The following GRIP1 variants were observed in gnomAD, a reference collection of about 807,000 sequenced individuals.
GRIP1 encodes glutamate receptor-interacting protein 1.
A neutral mutation model predicts 129.9 loss-of-function variants in GRIP1; 45 were observed. The ratio of observed to expected loss-of-function variants is 0.35; its 90% CI spans 0.27 to 0.44. The LOEUF is 0.44. Among genes scored for constraint, GRIP1 ranks in the 20% least tolerant of loss-of-function variants. The pLI is 1.00. For synonymous variants in GRIP1, 530 were observed against 520.8 expected (o/e 1.02, Z -0.24); for missense variants, 1,196 against 1,396.8 (o/e 0.86, Z 2.29).
At chr12:66,871,216 G>A (rs1395542585) in intron 1 of GRIP1, among the ~76,000 whole-genome samples, 1 of 152,050 alleles carries the variant, frequency 6.6e-6, no homozygotes, top group Non-Finnish European at 1.5e-5. Flanking sequence ...ATTAGGCAAT[G>A]CTGCGATTTT....
At chr12:66,901,492 A>T (rs931214739) in intron 1 of GRIP1, among the ~76,000 whole-genome samples, 1 of 152,230 alleles carries the variant, frequency 6.6e-6, no homozygotes, top group Non-Finnish European at 1.5e-5. Context: ...CACATTATAT[A>T]TTTTGACAAG....
rs999497063 is a variant in GRIP1, at chr12:66,481,209, G to T, written c.725-15787C>A. The stretch of plus-strand genomic sequence containing the variant: ...TTGCAATCAATCCATCTGACAAAGG[G>T]CTAATATCTAGAATCTACAAAAAAA... On this transcript the variant is annotated intron_variant, in intron 7 of 24. Coordinates refer to ENST00000359742, the MANE Select transcript of GRIP1 (RefSeq NM_001366722.1). Among the ~76,000 whole-genome samples, 24 of 146,036 alleles carry T rather than the reference G, an allele frequency of 1.6e-4. 1 individual carries two copies. The highest frequency in any genetic ancestry group is 6.1e-4 in the African/African-American group (24 of 39,496).
At chr12:66,757,893 T>C (rs531877038) in intron 1 of GRIP1, among the ~76,000 whole-genome samples, 7 of 152,344 alleles carry the variant, frequency 4.6e-5, no homozygotes, top group African/African-American at 1.4e-4. Flanking sequence ...TTTACATTCA[T>C]CTTTTTGGTT....
At chr12:66,841,441 A>C (rs925696333) in intron 1 of GRIP1, among the ~76,000 whole-genome samples, 1 of 152,234 alleles carries the variant, frequency 6.6e-6, no homozygotes, top group Non-Finnish European at 1.5e-5. Context: ...AAGTATAATT[A>C]AACATATATC....
In GRIP1 at chr12:66,941,521, A is replaced by G. The variant is rs538149501; in HGVS notation, c.58+127529T>C. The stretch of plus-strand genomic sequence containing the variant: ...GTGCTTTGGTCCTGAGCTACATAGC[A>G]TAAATCTAATCCACAAAAGAGCTGG... On this transcript the variant is annotated intron_variant, in intron 1 of 1. Coordinates refer to the GRIP1 transcript ENST00000643019. 5.3e-5 allele frequency among the ~76,000 whole-genome samples: 8 copies of G among 152,314 alleles called. No individual in the cohort carries two copies. The South Asian group carries it at 1.7e-3, about 32-fold the overall frequency.
At chr12:66,522,685 G>C (rs1041593026) in intron 5 of GRIP1, among the ~76,000 whole-genome samples, 1 of 152,140 alleles carries the variant, frequency 6.6e-6, no homozygotes, top group African/African-American at 2.4e-5. Flanking sequence ...GCTGGATGGA[G>C]AATGACAAGT....
At chr12:66,842,235 G>A (rs925314301) in intron 1 of GRIP1, among the ~76,000 whole-genome samples, 6 of 151,674 alleles carry the variant, frequency 4.0e-5, no homozygotes, top group Admixed American at 2.0e-4. Flanking sequence ...TCTTCTATAC[G>A]TAACTCATAT....
intron 1 of GRIP1, among the ~76,000 whole-genome samples, chr12:66,890,992 A>G (rs889558856): frequency 6.6e-6 from 1 of 152,210 alleles, no homozygotes; most frequent in Non-Finnish European, 1.5e-5. Context: ...AAAGTAGTAA[A>G]GTGTTGCTAT....
At chr12:66,874,001 T>C (rs949807301) in intron 1 of GRIP1, among the ~76,000 whole-genome samples, 7 of 152,110 alleles carry the variant, frequency 4.6e-5, no homozygotes, top group Admixed American at 6.6e-5. Context: ...CAAGTTCTGC[T>C]ACAAAGGGTC....
chr12:66,758,786 G>A (rs1200207475), intron 1 of GRIP1, among the ~76,000 whole-genome samples: 1 of 152,136 alleles, frequency 6.6e-6, no homozygotes, highest in Non-Finnish European at 1.5e-5. Flanking sequence ...AAATTTTAAA[G>A]GTACAAAATG....
rs541582207 is a variant in GRIP1, at chr12:66,436,276, T to C, written c.1688-3648A>G. The stretch of plus-strand genomic sequence containing the variant: ...GTAATTCATCAATGCAGACACCCTT[T>C]GTGAGGAACGTGAACGTTTAACTCC... On this transcript the variant is annotated intron_variant, in intron 13 of 24. Coordinates refer to ENST00000359742, the MANE Select transcript of GRIP1 (RefSeq NM_001366722.1). Among the ~76,000 whole-genome samples the C allele has an allele frequency of 2.0e-5, 3 of 152,328 alleles. No homozygotes were observed. The East Asian group carries it at 5.8e-4, about 29-fold the overall frequency.
intron 1 of GRIP1, among the ~76,000 whole-genome samples, chr12:66,747,511 T>C (rs1347485509): frequency 6.6e-6 from 1 of 152,098 alleles, no homozygotes; most frequent in Admixed American, 6.6e-5. Context: ...ATGAAAAACA[T>C]AGGTAAAGCT....
rs12370765 is a variant in GRIP1 at position 66,945,260 on chromosome 12, G to A, written c.58+123790C>T. ...GGCAGTTTGGCGTACAGATTATTTTGTCACCCAGTTAATAAGCACAGTAGC... is the reference window on the plus strand; with the variant it reads ...GGCAGTTTGGCGTACAGATTATTTTATCACCCAGTTAATAAGCACAGTAGC... On this transcript the variant is annotated intron_variant, in intron 1 of 1. Transcript: ENST00000643019. Among the ~76,000 whole-genome samples, 1,513 of 152,160 alleles carry A rather than the reference G, an allele frequency of 9.9e-3. 11 individuals carry two copies. The highest frequency in any genetic ancestry group is 0.016 in the Admixed American group (245 of 15,282).
At chr12:66,633,132 C>T (rs2030986597) in intron 1 of GRIP1, among the ~76,000 whole-genome samples, 1 of 151,478 alleles carries the variant, frequency 6.6e-6, no homozygotes, top group African/African-American at 2.4e-5. Flanking sequence ...CCCACTTCAG[C>T]CTCCCAAGTA....
intron 1 of GRIP1, among the ~76,000 whole-genome samples, chr12:66,634,675 A>C (rs1446390031): frequency 6.6e-6 from 1 of 152,254 alleles, no homozygotes; most frequent in South Asian, 2.1e-4. Context: ...TTTGACTTTC[A>C]GACACTTAAG....
intron 22 of GRIP1, among the ~76,000 whole-genome samples, chr12:66,375,037 C>A (rs1344305423): frequency 6.6e-6 from 1 of 152,176 alleles, no homozygotes; most frequent in Non-Finnish European, 1.5e-5. Flanking sequence ...AGTTCTCTAT[C>A]TGACATTTAG....
intron 23 of GRIP1, among the ~76,000 whole-genome samples, chr12:66,359,071 G>T (rs928925081): frequency 2.0e-5 from 3 of 152,124 alleles, no homozygotes; most frequent in Non-Finnish European, 4.4e-5. Flanking sequence ...TAGAGGGTGG[G>T]GCATCCTCCT....
intron 1 of GRIP1, among the ~76,000 whole-genome samples, chr12:66,948,529 A>C (rs1295024895): frequency 6.6e-6 from 1 of 152,182 alleles, no homozygotes; most frequent in Non-Finnish European, 1.5e-5. Flanking sequence ...GAAGATTATG[A>C]GCTGCTTCTT....
intron 19 of GRIP1, among the ~76,000 whole-genome samples, chr12:66,382,273 C>G (rs1408975329): frequency 6.6e-6 from 1 of 152,032 alleles, no homozygotes; most frequent in Non-Finnish European, 1.5e-5. Context: ...ATCTGTAATA[C>G]CAGCTACTTG....
Sources: allele counts gnomAD v4.1 joint callset (sites outside exome capture counted in the v4.1 genomes callset), GRCh38; gene constraint gnomAD v4.1.1; transcripts MANE v1.5; gene names NCBI Gene and HGNC (gene_info 2026-07-23, HGNC 2026-07-21).